Variants in AKNA observed in about 807,000 individuals in gnomAD.
The protein encoded by AKNA is AT-hook transcription factor, also known as microtubule organization protein AKNA.
Under a neutral mutation model 138.8 loss-of-function variants are expected in AKNA, and 67 were observed. That is an observed-to-expected ratio of 0.48 (90% CI 0.40 to 0.59). The LOEUF is 0.59. Among genes scored for constraint, AKNA ranks in the 20% least tolerant of loss-of-function variants. The pLI is 0.00. For missense variants in AKNA, 1,813 were observed against 1,880.4 expected (o/e 0.96, Z 0.66); for synonymous variants, 737 against 754.4 (o/e 0.98, Z 0.38).
chr9:114,391,644 T>C (rs1279093113), upstream of AKNA, among the ~76,000 whole-genome samples: 1 of 151,034 alleles, frequency 6.6e-6, no homozygotes, highest in East Asian at 1.9e-4. Context: ...AGGTCAGGAG[T>C]TCGACACCAG....
At chr9:114,364,734 G>T in intron 6 of AKNA, 115 bp from the exon 7 acceptor site, 1 of 1,098,260 alleles carries the variant, frequency 9.1e-7, no homozygotes, top group Non-Finnish European at 1.4e-6. Context: ...AGGATGTGGG[G>T]TTTCTGCCAA....
rs944080399 is a variant in AKNA at position 114,336,796 on chromosome 9, G to C, written c.*258C>G. 13 of 416,640 alleles carry C rather than the reference G, an allele frequency of 3.1e-5. No homozygotes were observed. Among genetic ancestry groups the C allele is most frequent in the African/African-American group, 2.4e-4 (12 of 49,402 alleles). The allele number at this position is 416,640 out of a possible 1,614,324, so 25.8% of individuals were successfully genotyped here. On this transcript the variant is annotated 3_prime_UTR_variant, in exon 22 of 22. Coordinates refer to ENST00000374088, the MANE Select transcript of AKNA (RefSeq NM_001317950.2). ...GGAGAGACTGCCTGAGGTTCTGCCT[G>C]GACCGAAGGAGGCCTCGCTCACAGC...
intron 4 of AKNA, among the ~76,000 whole-genome samples, chr9:114,373,251 A>G (rs1185839437): frequency 6.6e-6 from 1 of 152,078 alleles, no homozygotes; most frequent in East Asian, 1.9e-4. Context: ...CTCAGAAAAG[A>G]GGAAGGTGCA....
At chr9:114,345,741 CAG>C in intron 18 of AKNA, 120 bp downstream of exon 18, 1 of 912,836 alleles carries the variant, frequency 1.1e-6, no homozygotes, top group Non-Finnish European at 1.6e-6. Context: ...TTTCATATCA[CAG>C]AACTGATAGA....
intron 2 of AKNA, among the ~76,000 whole-genome samples, chr9:114,379,770 T>G (rs1000417056): frequency 2.6e-5 from 4 of 152,158 alleles, no homozygotes; most frequent in African/African-American, 9.7e-5. Flanking sequence ...AGGAATTCAG[T>G]CTAAGTTGGT....
downstream of AKNA, chr9:114,331,941 G>A (rs1448040723): frequency 2.5e-6 from 4 of 1,611,286 alleles, no homozygotes; most frequent in African/African-American, 1.3e-5. Flanking sequence ...TAAACGCAAG[G>A]GATTGGACAG....
chr9:114,364,475 G>A, intron 7 of AKNA, 85 bp downstream of exon 7: 1 of 1,398,312 alleles, frequency 7.2e-7, no homozygotes, highest in Non-Finnish European at 1.0e-6. Flanking sequence ...TTTCTGTCTT[G>A]CAGCAAAGAA....
rs376371366 is a variant in AKNA at position 114,341,548 on chromosome 9, T to G, written c.4052A>C (p.Tyr1351Ser). 2 of 1,613,922 alleles carry G rather than the reference T, an allele frequency of 1.2e-6. No individual in the cohort carries two copies. The highest frequency in any genetic ancestry group is 1.7e-6 in the Non-Finnish European group (2 of 1,179,958). ...AYISSVPIMP[Y>S]PPAAVYYAPA... ...AGGCTCTTACACAGCGGCAGGTGGA[T>G]AAGGCATGATGGGAACCGAGGAGAT... is the stretch of plus-strand genomic sequence containing the variant. The change falls in exon 21 of 22, where the codon TAT becomes TCT. Residue 1351 changes from tyrosine to serine, a missense_variant. Tyr to Ser is a moderately radical substitution (Grantham distance 144, BLOSUM62 -2). Transcript: ENST00000374088.
chr9:114,366,522 G>C (rs750061745), intron 6 of AKNA, among the ~76,000 whole-genome samples: 1 of 152,160 alleles, frequency 6.6e-6, no homozygotes, highest in African/African-American at 2.4e-5. Context: ...AGGTTTCTTA[G>C]TGCGTGATGA....
chr9:114,351,272 T>C (rs1201966106), intron 14 of AKNA, among the ~76,000 whole-genome samples: 1 of 152,172 alleles, frequency 6.6e-6, no homozygotes, highest in East Asian at 1.9e-4. Context: ...CCACCCACCA[T>C]GACACCATCC....
chr9:114,355,891 T>G (rs766341699), intron 14 of AKNA, 34 bp downstream of exon 14: 1 of 1,604,458 alleles, frequency 6.2e-7, no homozygotes, highest in East Asian at 2.2e-5. Flanking sequence ...TTTCAACCCA[T>G]GCAGTTCTGT....
At chr9:114,391,805 G>C (rs1834348490), upstream of AKNA, among the ~76,000 whole-genome samples, 1 of 128,570 alleles carries the variant, frequency 7.8e-6, no homozygotes, top group Non-Finnish European at 1.6e-5. Context: ...AGTGAGTCGA[G>C]ATTGCACCAT....
At chr9:114,350,816 G>C (rs368324792) in intron 15 of AKNA, 43 bp downstream of exon 15, 7 of 1,515,760 alleles carry the variant, frequency 4.6e-6, no homozygotes, top group Non-Finnish European at 6.2e-6. Context: ...GCTCCCGTCT[G>C]TATGATGAGC....
Position 114,367,620 on chromosome 9 carries a change from G to A in AKNA, c.1651C>T (p.Arg551Trp), listed in dbSNP as rs768529714. 1.1e-5 allele frequency: 18 copies of A among 1,607,574 alleles called. No homozygotes were observed. In the Admixed American group the frequency reaches 2.2e-4, roughly 19 times the overall value. ...MPTLGWLPEN[R>W]DISEDQSSAE... is the part of the protein sequence containing the mutation. Reference sequence around the variant, plus strand: ...GAGGACTGGTCCTCAGAGATGTCCCGGTTCTCCGGAAGCCACCCCAGGGTG... The same window carrying A: ...GAGGACTGGTCCTCAGAGATGTCCCAGTTCTCCGGAAGCCACCCCAGGGTG... The change falls in exon 6 of 22, where the codon CGG becomes TGG. Residue 551 changes from arginine to tryptophan, a missense_variant. Physicochemically the swap from Arg to Trp is moderately radical, Grantham distance 101. Transcript: ENST00000374088.
chr9:114,359,417 C>T, intron 11 of AKNA, 177 bp downstream of exon 11: 1 of 1,269,334 alleles, frequency 7.9e-7, no homozygotes, highest in Non-Finnish European at 1.1e-6. Context: ...AAATCATGTC[C>T]CACACTACCC....
At chr9:114,331,711 T>G (rs1007600038), downstream of AKNA, 1 of 1,596,484 alleles carries the variant, frequency 6.3e-7, no homozygotes, top group Non-Finnish European at 8.6e-7. Context: ...CATGCCCCTC[T>G]CAGGCCTCAC....
At chr9:114,368,027 C>T (rs1451150315) in intron 5 of AKNA, among the ~76,000 whole-genome samples, 1 of 152,258 alleles carries the variant, frequency 6.6e-6, no homozygotes, top group Non-Finnish European at 1.5e-5. Context: ...GTATGAACTT[C>T]AGCGTGTCCT....
At position 114,381,895 on chromosome 9, in the gene AKNA, C is replaced by T. The variant is rs1353580575; in HGVS notation, c.-113-449G>A. Among the ~76,000 whole-genome samples, 5 of 152,074 alleles carry T rather than the reference C, an allele frequency of 3.3e-5. No individual in the cohort carries two copies. In the East Asian group the frequency reaches 5.8e-4, roughly 18 times the overall value. ...CGAACTCCTGACCTTGTGATCCACCCGCCTTGGCCTCCCAAAGTGCTGGGA... is the reference window on the plus strand; with the variant it reads ...CGAACTCCTGACCTTGTGATCCACCTGCCTTGGCCTCCCAAAGTGCTGGGA... On this transcript the variant is annotated intron_variant, in intron 1 of 21. Transcript: ENST00000374088.
chr9:114,349,494 C>T (rs1008635269), intron 15 of AKNA, among the ~76,000 whole-genome samples: 1 of 152,172 alleles, frequency 6.6e-6, no homozygotes, highest in Admixed American at 6.5e-5. Context: ...GGGCCCTCCC[C>T]GAGAACCCAG....
Sources: gnomAD v4.1 joint callset for allele counts (sites outside exome capture counted in the v4.1 genomes callset) on GRCh38, gnomAD v4.1.1 for gene constraint, MANE v1.5 for transcripts, NCBI Gene and HGNC (gene_info 2026-07-23, HGNC 2026-07-21) for gene names.